COMMD2: variants seen among roughly 807,000 people sequenced by gnomAD.
COMMD2 encodes COMM domain containing 2.
In COMMD2, 25 loss-of-function variants were observed where a neutral mutation model predicts 22.5. The ratio of observed to expected loss-of-function variants is 1.11; its 90% CI spans 0.81 to 1.55. The LOEUF (loss-of-function observed/expected upper bound fraction) is 1.55. Among genes scored for constraint, COMMD2 ranks in the 40% most tolerant of loss-of-function variants. The pLI is 0.00. For synonymous variants in COMMD2, 98 were observed against 91.2 expected (o/e 1.07, Z -0.42); for missense variants, 223 against 232.9 (o/e 0.96, Z 0.28).
intron 2 of COMMD2, chr3:149,751,741 T>C (rs905960063): frequency 2.2e-5 from 7 of 312,608 alleles, no homozygotes. Flanking sequence ...TTCTCTTGAA[T>C]ACGTAGCTCC....
intron 1 of COMMD2, 41 bp downstream of exon 1, chr3:149,752,337 T>C: frequency 6.2e-7 from 1 of 1,613,638 alleles, no homozygotes; most frequent in Non-Finnish European, 8.5e-7. Context: ...GCCTTTGACC[T>C]CCTCCCCAGC....
At chr3:149,748,506 C>G (rs1716439706) in intron 4 of COMMD2, among the ~76,000 whole-genome samples, 1 of 152,208 alleles carries the variant, frequency 6.6e-6, no homozygotes, top group African/African-American at 2.4e-5. Context: ...AGAGGAAGCA[C>G]AGGTGCCACG....
rs765892629 is a variant in COMMD2, at chr3:149,752,458, C to T, written c.-14G>A. 3.7e-6 allele frequency: 6 copies of T among 1,609,344 alleles called. No homozygotes were observed. Among genetic ancestry groups the T allele is most frequent in the Non-Finnish European group, 3.4e-6 (4 of 1,177,442 alleles). On this transcript the variant is annotated 5_prime_UTR_variant, in exon 1 of 5. Coordinates refer to ENST00000473414, the MANE Select transcript of COMMD2 (RefSeq NM_016094.4). ...TTCCAGCAGCATCTTCACTGTCCTA[C>T]GATTTCACCCGGCAGCGCCGACCCC...
chr3:149,751,448 A>G lies in COMMD2; in HGVS notation c.183T>C (p.Gly61=), dbSNP rs1460494037. The G allele has an allele frequency of 6.2e-7, 1 of 1,610,586 alleles. No individual in the cohort carries two copies. Among genetic ancestry groups the G allele is most frequent in the South Asian group, 1.1e-5 (1 of 89,860 alleles). Residue 61 remains glycine (G), a synonymous_variant, in exon 3 of 5, where the codon GGT becomes GGC. Transcript: ENST00000473414. ...LNVSSDTVQH[G]VEGLTYLLTE... The stretch of plus-strand genomic sequence containing the variant: ...TGAGGAGATACGTTAATCCTTCCAC[A>G]CCATGCTGGACAGTGTCACTACTCA...
chr3:149,751,805 G>A (rs1716539713), intron 2 of COMMD2: 2 of 273,444 alleles, frequency 7.3e-6, no homozygotes, highest in East Asian at 6.9e-5. Flanking sequence ...CCCAGAGACT[G>A]CCTCTTACCC....
chr3:149,751,455 T>C lies in COMMD2; in HGVS notation c.176A>G (p.Gln59Arg), dbSNP rs1716528612. ...ATACGTTAATCCTTCCACACCATGC[T>C]GGACAGTGTCACTACTCACATTGAG... ...RKLNVSSDTVQHGVEGLTYLL... is the reference protein window; with the variant it reads ...RKLNVSSDTVRHGVEGLTYLL... The change falls in exon 3 of 5, where the codon CAG becomes CGG. Residue 59 changes from glutamine to arginine, a missense_variant. Physicochemically the swap from Gln to Arg is conservative, Grantham distance 43. Coordinates refer to ENST00000473414, the MANE Select transcript of COMMD2 (RefSeq NM_016094.4). 6.2e-7 allele frequency: 1 copy of C among 1,610,630 alleles called. No homozygotes were observed. Among genetic ancestry groups the C allele is most frequent in the Non-Finnish European group, 8.5e-7 (1 of 1,179,138 alleles).
Position 149,750,810 on chromosome 3 carries a change from TCCCAG to T in COMMD2, c.265_269del (p.Leu89IlefsTer3), listed in dbSNP as rs1716508005. 1 of 1,601,730 alleles carries T rather than the reference TCCCAG, an allele frequency of 6.2e-7. No homozygotes were observed. Among genetic ancestry groups the T allele is most frequent in the South Asian group, 1.1e-5 (1 of 89,010 alleles). ...ACAATTTGTTTAATTCTTCAGAGAA[TCCCAG>T]AACAAAAACAGAGTCTTGGAAATCC... On this transcript the variant is annotated frameshift_variant, in exon 4 of 5. Transcript: ENST00000473414. LOFTEE classifies it high-confidence loss of function.
intron 4 of COMMD2, 115 bp downstream of exon 4, chr3:149,750,563 A>G: frequency 1.4e-6 from 1 of 712,376 alleles, no homozygotes; most frequent in East Asian, 2.8e-5. Context: ...TGAACATTAA[A>G]AAAACAAAGT....
chr3:149,745,511 TTGC>T (rs1454160530), intron 4 of COMMD2, among the ~76,000 whole-genome samples: 4 of 152,216 alleles, frequency 2.6e-5, no homozygotes, highest in Admixed American at 1.3e-4. Context: ...TTGATTATAA[TTGC>T]TGATTTCTAA....
chr3:149,752,479 A>G lies in COMMD2; in HGVS notation c.-35T>C. ...CCTACGATTTCACCCGGCAGCGCCGACCCCGCCTTCGCCACTTCCGGCGCC... is the reference window on the plus strand; with the variant it reads ...CCTACGATTTCACCCGGCAGCGCCGGCCCCGCCTTCGCCACTTCCGGCGCC... On this transcript the variant is annotated 5_prime_UTR_variant, in exon 1 of 5. Coordinates refer to ENST00000473414, the MANE Select transcript of COMMD2 (RefSeq NM_016094.4). 4.4e-6 allele frequency: 7 copies of G among 1,587,590 alleles called. No individual in the cohort carries two copies. Among genetic ancestry groups the G allele is most frequent in the Non-Finnish European group, 6.0e-6 (7 of 1,164,294 alleles).
At chr3:149,743,360 G>C (rs1022413395) in intron 4 of COMMD2, among the ~76,000 whole-genome samples, 1 of 152,136 alleles carries the variant, frequency 6.6e-6, no homozygotes, top group African/African-American at 2.4e-5. Flanking sequence ...TACAAGATGA[G>C]CCTGAAACAT....
In COMMD2 at chr3:149,750,764, T is replaced by A; in HGVS notation, c.316A>T (p.Asn106Tyr). Residue 106 changes from asparagine (N) to tyrosine (Y), a missense_variant, in exon 4 of 5, where the codon AAC (asparagine) becomes TAC (tyrosine). Asn to Tyr is a moderately radical substitution (Grantham distance 143, BLOSUM62 -2). Coordinates refer to ENST00000473414, the MANE Select transcript of COMMD2 (RefSeq NM_016094.4). ...NKLLLQLYLD[N>Y]RKEIRTILSE... is the part of the protein sequence containing the mutation. ...AGAATCGTTCTGATCTCTTTTCTGT[T>A]GTCCAGATAAAGCTGAAGCAACAAT... 1 of 1,608,872 alleles carries A rather than the reference T, an allele frequency of 6.2e-7. No homozygotes were observed. The highest frequency in any genetic ancestry group is 1.1e-5 in the South Asian group (1 of 90,236).
rs1265321505 is a variant in COMMD2, at chr3:149,739,741, CTTTT to C, written c.*1776_*1779del. On this transcript the variant is annotated 3_prime_UTR_variant, in exon 5 of 5. Coordinates refer to ENST00000473414, the MANE Select transcript of COMMD2 (RefSeq NM_016094.4). ...GCTACTATTTCACGTAATAAAGTTT[CTTTT>C]TGTTTGTGAGGTTGTATATGAGAGC... 6.6e-6 allele frequency: 1 copy of C among 152,116 alleles called. No homozygotes were observed. Among genetic ancestry groups the C allele is most frequent in the African/African-American group, 2.4e-5 (1 of 41,432 alleles). The allele number at this position is 152,116 out of a possible 1,614,324, so 9.4% of individuals were successfully genotyped here.
intron 4 of COMMD2, among the ~76,000 whole-genome samples, chr3:149,744,880 G>A (rs1167382966): frequency 6.6e-6 from 1 of 152,162 alleles, no homozygotes; most frequent in African/African-American, 2.4e-5. Context: ...ACTAGTCCTA[G>A]CAATAGCGCA....
Position 149,739,140 on chromosome 3 carries a change from T to C in COMMD2, c.*2381A>G, listed in dbSNP as rs75866747. 6.6e-6 allele frequency: 1 copy of C among 152,240 alleles called. No homozygotes were observed. The highest frequency in any genetic ancestry group is 1.9e-4 in the East Asian group (1 of 5,182). 9.4% of individuals were successfully genotyped at this position (152,240 alleles called of 1,614,324 possible). A position where few individuals can be genotyped will look rare whatever the true frequency, so the allele number is the denominator to read the frequency against. On this transcript the variant is annotated 3_prime_UTR_variant, in exon 5 of 5. Transcript: ENST00000473414. ...ATACTCATAATCCAAAAAGCTTCAATAGAAATTTAGATAGTTATAGAAGGT... is the reference window on the plus strand; with the variant it reads ...ATACTCATAATCCAAAAAGCTTCAACAGAAATTTAGATAGTTATAGAAGGT...
chr3:149,749,810 T>TTG (rs1716481731), intron 4 of COMMD2, among the ~76,000 whole-genome samples: 2 of 152,308 alleles, frequency 1.3e-5, no homozygotes, highest in Admixed American at 6.5e-5. Context: ...TGTTGTTGTT[T>TTG]TTGTTTTAAA....
intron 4 of COMMD2, among the ~76,000 whole-genome samples, chr3:149,743,633 T>C (rs966277718): frequency 3.3e-5 from 5 of 152,172 alleles, no homozygotes; most frequent in African/African-American, 1.2e-4. Flanking sequence ...AATAAGTCAA[T>C]CCCTTTGGGT....
At chr3:149,749,750 T>C (rs1168124864) in intron 4 of COMMD2, among the ~76,000 whole-genome samples, 3 of 152,248 alleles carry the variant, frequency 2.0e-5, no homozygotes, top group Non-Finnish European at 4.4e-5. Context: ...TGCTGGAAGC[T>C]TTCTTGGATC....
chr3:149,751,055 A>C (rs1277035300), intron 3 of COMMD2, among the ~76,000 whole-genome samples: 1 of 152,210 alleles, frequency 6.6e-6, no homozygotes, highest in Non-Finnish European at 1.5e-5. Context: ...AAAAATTGTT[A>C]AGATGCCCAG....
Sources: allele counts gnomAD v4.1 joint callset (sites outside exome capture counted in the v4.1 genomes callset), GRCh38; gene constraint gnomAD v4.1.1; transcripts MANE v1.5; gene names NCBI Gene and HGNC (gene_info 2026-07-23, HGNC 2026-07-21).